NR3C2: variants seen among roughly 807,000 people sequenced by gnomAD.
NR3C2 encodes mineralocorticoid receptor.
A neutral mutation model predicts 86.4 loss-of-function variants in NR3C2; 15 were observed. The observed-to-expected ratio is 0.17, with a 90% confidence interval of 0.12 to 0.27. The LOEUF (loss-of-function observed/expected upper bound fraction) is 0.27. Ranked by LOEUF, NR3C2 falls within the 10% of genes least tolerant of loss-of-function variation. NR3C2 has a pLI of 1.00. For synonymous variants in NR3C2, 458 were observed against 450.5 expected (o/e 1.02, Z -0.21); for missense variants, 960 against 1,195.6 (o/e 0.80, Z 2.91).
upstream of NR3C2, chr4:148,443,003 C>T (rs1399540516): frequency 2.0e-6 from 2 of 984,674 alleles, no homozygotes; most frequent in South Asian, 9.4e-5. Context: ...ACAGCGTCCG[C>T]GCGCGGGGAG....
intron 2 of NR3C2, among the ~76,000 whole-genome samples, chr4:148,299,056 G>A (rs140262394): frequency 2.6e-5 from 4 of 152,226 alleles, no homozygotes; most frequent in Admixed American, 6.5e-5. Flanking sequence ...TATTCAATAC[G>A]TGAGGTGGGA....
chr4:148,271,003 T>C (rs1740652866), intron 2 of NR3C2, among the ~76,000 whole-genome samples: 1 of 152,192 alleles, frequency 6.6e-6, no homozygotes, highest in African/African-American at 2.4e-5. Context: ...GGATAGCATT[T>C]CCAATTAGAT....
intron 2 of NR3C2, among the ~76,000 whole-genome samples, chr4:148,323,490 T>C (rs1175061832): frequency 3.4e-5 from 5 of 148,830 alleles, no homozygotes; most frequent in African/African-American, 1.0e-4. Context: ...GGCTGCAGCC[T>C]TGCAGTTTGA....
At position 148,152,472 on chromosome 4, in the gene NR3C2, T is replaced by C; in HGVS notation, c.2507A>G (p.Asn836Ser). The change falls in exon 6 of 9, where the codon AAT (asparagine) becomes AGT (serine). Residue 836 changes from asparagine to serine, a missense_variant. By Grantham distance (46) the Asn-to-Ser change is conservative. This residue lies in a region of NR3C2 where 151 missense variants were observed against 296.3 expected (regional missense o/e 0.51). Coordinates refer to ENST00000358102, the MANE Select transcript of NR3C2 (RefSeq NM_000901.5). ...FLYFAPDLVF[N>S]EEKMHQSAMY... is the part of the protein sequence containing the mutation. ...AGGCTAATTAATAGGTACTTACTCA[T>C]TAAAGACTAGGTCTGGTGCAAAATA... 1 of 1,613,942 alleles carries C rather than the reference T, an allele frequency of 6.2e-7. No homozygotes were observed. The highest frequency in any genetic ancestry group is 1.1e-5 in the South Asian group (1 of 91,066).
At chr4:148,312,230 C>T (rs983225407) in intron 2 of NR3C2, among the ~76,000 whole-genome samples, 1 of 152,084 alleles carries the variant, frequency 6.6e-6, no homozygotes, top group Non-Finnish European at 1.5e-5. Context: ...ATATAAAAGA[C>T]AAAGGTAACA....
rs923219844 is a variant in NR3C2, at chr4:148,426,945, A to ATTTCTT, written c.1757+8153_1757+8158dup. Among the ~76,000 whole-genome samples, 21 of 150,922 alleles carry ATTTCTT rather than the reference A, an allele frequency of 1.4e-4. No homozygotes were observed. In the East Asian group the frequency reaches 2.1e-3, roughly 15 times the overall value. On this transcript the variant is annotated intron_variant, in intron 2 of 8. Coordinates refer to ENST00000358102, the MANE Select transcript of NR3C2 (RefSeq NM_000901.5). ...CTCCAAACCTATTATTGACCTCTTC[A>ATTTCTT]TTTCTTTTTCTTTTTCTTTTTTTTT...
At chr4:148,204,150 G>T (rs1015662631) in intron 3 of NR3C2, among the ~76,000 whole-genome samples, 1 of 152,044 alleles carries the variant, frequency 6.6e-6, no homozygotes, top group Non-Finnish European at 1.5e-5. Context: ...TTTAGTAAAA[G>T]ATAATCAAAG....
At chr4:148,365,388 AC>A (rs1046419884) in intron 2 of NR3C2, among the ~76,000 whole-genome samples, 85 of 152,204 alleles carry the variant, frequency 5.6e-4, no homozygotes, top group African/African-American at 2.0e-3. Context: ...GGGATACTCA[AC>A]CTGTACTGGT....
At chr4:148,215,334 A>G (rs1471034093) in intron 3 of NR3C2, among the ~76,000 whole-genome samples, 1 of 152,230 alleles carries the variant, frequency 6.6e-6, no homozygotes, top group Non-Finnish European at 1.5e-5. Flanking sequence ...CTAAACTGCA[A>G]TGTTATTAAA....
chr4:148,317,254 C>A (rs992433387), intron 2 of NR3C2, among the ~76,000 whole-genome samples: 1 of 151,660 alleles, frequency 6.6e-6, no homozygotes, highest in African/African-American at 2.4e-5. Flanking sequence ...ACTTGTGAGG[C>A]TGTGGCAGGA....
In NR3C2 at chr4:148,097,741, G is replaced by GTTTTTTTTTTT. The variant is rs1180902227; in HGVS notation, c.2800-16243_2800-16242insAAAAAAAAAAA. Among the ~76,000 whole-genome samples the GTTTTTTTTTTT allele has an allele frequency of 7.4e-5, 8 of 107,484 alleles. 1 individual carries two copies. Among genetic ancestry groups the GTTTTTTTTTTT allele is most frequent in the Admixed American group, 1.9e-4 (2 of 10,446 alleles). 70.5% of individuals were successfully genotyped at this position (107,484 alleles called of 152,430 possible). Reference sequence around the variant, plus strand: ...TTAAAACATGATGAGACTTTTTTGCGTTTTTTTTTGTTTTTTTTTTTTTTT... The same window carrying GTTTTTTTTTTT: ...TTAAAACATGATGAGACTTTTTTGCGTTTTTTTTTTTTTTTTTTTTGTTTTTTTTTTTTTTT... On this transcript the variant is annotated intron_variant, in intron 8 of 8. Transcript: ENST00000358102.
chr4:148,345,704 G>C (rs1744956494), intron 2 of NR3C2, among the ~76,000 whole-genome samples: 1 of 151,834 alleles, frequency 6.6e-6, no homozygotes, highest in South Asian at 2.1e-4. Context: ...TCGTGTGCCG[G>C]AGTAAAGGTT....
chr4:148,431,928 ATTTG>A (rs1221619887), intron 2 of NR3C2, among the ~76,000 whole-genome samples: 1 of 152,192 alleles, frequency 6.6e-6, no homozygotes, highest in African/African-American at 2.4e-5. Flanking sequence ...CCCAAAGAGC[ATTTG>A]TTTATGTGAG....
At position 148,241,330 on chromosome 4, in the gene NR3C2, AAAAG is replaced by A. The variant is rs1390200579; in HGVS notation, c.1897+18644_1897+18647del. ...CAAAAAAAAAAAAAAAAAAAAAAAA[AAAAG>A]GGGAAAAATAAAATCTAATCTCCCT... On this transcript the variant is annotated intron_variant, in intron 3 of 8. Coordinates refer to ENST00000358102, the MANE Select transcript of NR3C2 (RefSeq NM_000901.5). 1.4e-3 allele frequency among the ~76,000 whole-genome samples: 201 copies of A among 145,428 alleles called. 48 individuals are homozygous for A. The highest frequency in any genetic ancestry group is 4.8e-3 in the African/African-American group (188 of 39,538).
chr4:148,273,031 C>A (rs1201339142), intron 2 of NR3C2, among the ~76,000 whole-genome samples: 1 of 152,084 alleles, frequency 6.6e-6, no homozygotes, highest in Non-Finnish European at 1.5e-5. Context: ...TGTACCGGGG[C>A]CAGATGAGAA....
chr4:148,217,745 T>C (rs1737615858), intron 3 of NR3C2, among the ~76,000 whole-genome samples: 1 of 152,212 alleles, frequency 6.6e-6, no homozygotes, highest in Non-Finnish European at 1.5e-5. Flanking sequence ...TCTAAAGTTT[T>C]CCACCCTCTG....
chr4:148,101,736 A>G (rs1731545881), intron 8 of NR3C2, among the ~76,000 whole-genome samples: 1 of 152,254 alleles, frequency 6.6e-6, no homozygotes, highest in Non-Finnish European at 1.5e-5. Context: ...GCTTAAACAT[A>G]TAAACACAAA....
chr4:148,416,947 T>A (rs1749036057), intron 2 of NR3C2, among the ~76,000 whole-genome samples: 1 of 152,042 alleles, frequency 6.6e-6, no homozygotes, highest in Admixed American at 6.6e-5. Flanking sequence ...AGCTAATTTT[T>A]TGTATTTTTA....
intron 6 of NR3C2, among the ~76,000 whole-genome samples, chr4:148,142,145 G>A (rs1437493897): frequency 6.6e-6 from 1 of 152,178 alleles, no homozygotes; most frequent in Non-Finnish European, 1.5e-5. Flanking sequence ...AGGAAATAAT[G>A]CTGAAAATAG....
Sources: gnomAD v4.1 joint callset for allele counts (sites outside exome capture counted in the v4.1 genomes callset) on GRCh38, gnomAD v4.1.1 for gene constraint, gnomAD v4.1.1 regional missense constraint, MANE v1.5 for transcripts, NCBI Gene and HGNC (gene_info 2026-07-23, HGNC 2026-07-21) for gene names.